URI1: variants seen among roughly 807,000 people sequenced by gnomAD.
URI1 encodes unconventional prefoldin RPB5 interactor 1.
A neutral mutation model predicts 60.2 loss-of-function variants in URI1; 39 were observed. That is an observed-to-expected ratio of 0.65 (90% CI 0.50 to 0.85). The LOEUF (loss-of-function observed/expected upper bound fraction) is 0.85. Among genes scored for constraint, URI1 ranks in the 40% least tolerant of loss-of-function variants. The pLI, the probability that URI1 is intolerant of heterozygous loss-of-function variation, is 0.00. For missense variants in URI1, 691 were observed against 665.9 expected (o/e 1.04, Z -0.42); for synonymous variants, 251 against 236.8 (o/e 1.06, Z -0.55).
At chr19:29,926,619 T>G (rs2054870449) in intron 1 of URI1, among the ~76,000 whole-genome samples, 1 of 152,208 alleles carries the variant, frequency 6.6e-6, no homozygotes, top group Non-Finnish European at 1.5e-5. Context: ...GAGCTGGATA[T>G]ACAGGATTGC....
At chr19:29,949,061 C>T (rs891573409) in intron 1 of URI1, among the ~76,000 whole-genome samples, 2 of 150,018 alleles carry the variant, frequency 1.3e-5, no homozygotes, top group African/African-American at 4.9e-5. Flanking sequence ...GGCTGCCCCC[C>T]GCCTCCCGGA....
At chr19:29,967,053 G>A (rs914288369) in intron 1 of URI1, among the ~76,000 whole-genome samples, 5 of 152,110 alleles carry the variant, frequency 3.3e-5, no homozygotes, top group Admixed American at 3.3e-4. Flanking sequence ...CCCTCTTGTG[G>A]TCTGTCACCA....
chr19:29,985,525 A>G (rs144521094), intron 3 of URI1, among the ~76,000 whole-genome samples: 216 of 152,300 alleles, frequency 1.4e-3, no homozygotes, highest in Non-Finnish European at 2.4e-3. Context: ...CATAAATATT[A>G]GCACAAAATT....
intron 4 of URI1, among the ~76,000 whole-genome samples, chr19:30,001,897 T>C (rs531497135): frequency 1.3e-5 from 2 of 152,168 alleles, no homozygotes; most frequent in South Asian, 4.1e-4. Flanking sequence ...ACTAAGTACA[T>C]GTATTCAATG....
intron 8 of URI1, among the ~76,000 whole-genome samples, chr19:30,010,780 AT>A (rs2056007377): frequency 6.6e-6 from 1 of 152,230 alleles, no homozygotes; most frequent in African/African-American, 2.4e-5. Context: ...CCAAACACTT[AT>A]ATCAAAGGAA....
At chr19:30,011,037 G>A in intron 8 of URI1, 57 bp from the exon 9 acceptor site, 1 of 1,560,730 alleles carries the variant, frequency 6.4e-7, no homozygotes, top group Non-Finnish European at 8.7e-7. Flanking sequence ...ATTTGTTTTG[G>A]TTTCACTTTG....
Position 29,942,249 on chromosome 19 carries a change from G to T in URI1, c.-299G>T. 1.0e-6 allele frequency: 1 copy of T among 984,796 alleles called. No homozygotes were observed. The highest frequency in any genetic ancestry group is 1.2e-6 in the Non-Finnish European group (1 of 829,680). The allele number at this position is 984,796 out of a possible 1,614,324, so 61.0% of individuals were successfully genotyped here. A position where few individuals can be genotyped will look rare whatever the true frequency, so the allele number is the denominator to read the frequency against. On this transcript the variant is annotated 5_prime_UTR_variant, in exon 1 of 11. Coordinates refer to ENST00000392271, the MANE Select transcript of URI1 (RefSeq NM_003796.3). ...CGCGAGAGGCGGGGCGTGTGGGGAG[G>T]CGCGGCCGCCACGCGACGCCTGGCT...
At chr19:29,976,753 G>A (rs1481418095) in intron 2 of URI1, among the ~76,000 whole-genome samples, 10 of 152,140 alleles carry the variant, frequency 6.6e-5, no homozygotes, top group Non-Finnish European at 1.2e-4. Flanking sequence ...ATCGTAAATC[G>A]TATGCATGTG....
intron 1 of URI1, among the ~76,000 whole-genome samples, chr19:29,966,545 G>T (rs1466266570): frequency 6.6e-6 from 1 of 152,010 alleles, no homozygotes; most frequent in Admixed American, 6.6e-5. Context: ...TTTGCAAAGG[G>T]GTTTACTTAA....
At position 29,961,587 on chromosome 19, in the gene URI1, G is replaced by A. The variant is rs34705335; in HGVS notation, c.118-9606G>A. On this transcript the variant is annotated intron_variant, in intron 1 of 10. Transcript: ENST00000392271. ...TATTTTAGCATCCATGGATACTTGG[G>A]TTGCCTCTACCTTATGGTGATTTTG... is the stretch of plus-strand genomic sequence containing the variant. Among the ~76,000 whole-genome samples the A allele has an allele frequency of 8.8e-3, 1,322 of 150,648 alleles. 13 individuals are homozygous for A. The highest frequency in any genetic ancestry group is 0.021 in the Middle Eastern group (6 of 284).
At position 29,933,940 on chromosome 19, in the gene URI1, C is replaced by CTTTTTTTTTTTTTT. The variant is rs34942474; in HGVS notation, c.63+10199_63+10200insTTTTTTTTTTTTTT. ...TCCTTCTTTCTTTTTCTTTTCTTCC[C>CTTTTTTTTTTTTTT]TTTTTTTTTTTTTGAGATGAAGTCT... On this transcript the variant is annotated intron_variant, in intron 1 of 10. Coordinates refer to the URI1 transcript ENST00000360605. Among the ~76,000 whole-genome samples the CTTTTTTTTTTTTTT allele has an allele frequency of 8.0e-4, 100 of 124,692 alleles. 1 individual carries two copies. Among genetic ancestry groups the CTTTTTTTTTTTTTT allele is most frequent in the African/African-American group, 2.9e-3 (88 of 29,942 alleles). The allele number at this position is 124,692 out of a possible 152,430, so 81.8% of individuals were successfully genotyped here.
Position 29,971,127 on chromosome 19 carries a change from C to G in URI1, c.118-66C>G. Reference sequence around the variant, plus strand: ...AAGCCAATGTTCTAGTTTTCAGATACACTGATTTTTGTAGCTCTGTGCATA... The same window carrying G: ...AAGCCAATGTTCTAGTTTTCAGATAGACTGATTTTTGTAGCTCTGTGCATA... On this transcript the variant is annotated intron_variant, in intron 1 of 10. Transcript: ENST00000392271. The G allele has an allele frequency of 4.0e-6, 6 of 1,488,898 alleles. No homozygotes were observed. In the South Asian group the frequency reaches 6.9e-5, roughly 17 times the overall value. 92.2% of individuals were successfully genotyped at this position (1,488,898 alleles called of 1,614,324 possible).
intron 8 of URI1, 33 bp from the exon 9 acceptor site, chr19:30,011,061 A>G: frequency 6.3e-7 from 1 of 1,591,462 alleles, no homozygotes; most frequent in Non-Finnish European, 8.5e-7. Flanking sequence ...TAATTTGTCA[A>G]AAGATTCTTA....
At chr19:29,941,449 C>T (rs114268621), upstream of URI1, among the ~76,000 whole-genome samples, 1,088 of 151,954 alleles carry the variant, frequency 7.2e-3, 10 homozygotes, top group African/African-American at 0.024. Context: ...AGGGAGACCC[C>T]GCCTCTACAA....
Position 29,972,919 on chromosome 19 carries a change from T to C in URI1, c.152+1692T>C, listed in dbSNP as rs558705892. Among the ~76,000 whole-genome samples the C allele has an allele frequency of 1.2e-4, 18 of 152,278 alleles. 1 individual carries two copies. The South Asian group carries it at 3.3e-3, about 28-fold the overall frequency. ...GAAGTAATATAGTACTTTATACATT[T>C]AAAAAATTATTTTTTTCCAGTTAAA... On this transcript the variant is annotated intron_variant, in intron 2 of 10. Transcript: ENST00000392271.
rs193287774 is a variant in URI1 at position 29,935,803 on chromosome 19, T to C, written c.63+12049T>C. The stretch of plus-strand genomic sequence containing the variant: ...CTTTTCTTTTCTCTTTTCTTTTTTT[T>C]TGAGATGGAGTCTCACACTGTCATC... On this transcript the variant is annotated intron_variant, in intron 1 of 10. Coordinates refer to the URI1 transcript ENST00000360605. 3.6e-4 allele frequency among the ~76,000 whole-genome samples: 54 copies of C among 151,538 alleles called. No homozygotes were observed. In the East Asian group the frequency reaches 6.8e-3, roughly 19 times the overall value.
At position 29,985,349 on chromosome 19, in the gene URI1, A is replaced by G. The variant is rs543148323; in HGVS notation, c.231+48A>G. 12 of 1,483,238 alleles carry G rather than the reference A, an allele frequency of 8.1e-6. No individual in the cohort carries two copies. The South Asian group carries it at 1.4e-4, about 17-fold the overall frequency. 91.9% of individuals were successfully genotyped at this position (1,483,238 alleles called of 1,614,324 possible). A position where few individuals can be genotyped will look rare whatever the true frequency, so the allele number is the denominator to read the frequency against. ...AAAGTAATAGTTGTTTCTTGTAAAC[A>G]TATTAACTATGTGTCGGTTCACAGA... On this transcript the variant is annotated intron_variant, in intron 3 of 10. Transcript: ENST00000392271.
chr19:29,929,514 T>C (rs1012968772), intron 1 of URI1, among the ~76,000 whole-genome samples: 5 of 152,052 alleles, frequency 3.3e-5, no homozygotes, highest in African/African-American at 1.2e-4. Context: ...GGAGAATGGC[T>C]TGAACCCAGG....
At chr19:29,956,401 A>G in intron 1 of URI1, 1 of 1,502,352 alleles carries the variant, frequency 6.7e-7, no homozygotes, top group Non-Finnish European at 9.1e-7. Context: ...TAGCTGGATA[A>G]CTCTTAGATC....
Sources: gnomAD v4.1 joint callset for allele counts (sites outside exome capture counted in the v4.1 genomes callset) on GRCh38, gnomAD v4.1.1 for gene constraint, MANE v1.5 for transcripts, NCBI Gene and HGNC (gene_info 2026-07-23, HGNC 2026-07-21) for gene names.